Variants in DPP6 observed in about 807,000 individuals in gnomAD.
DPP6 encodes the protein A-type potassium channel modulatory protein DPP6.
DPP6 carries 69 observed loss-of-function variants against 122.6 expected under a neutral mutation model. The observed-to-expected ratio is 0.56, with a 90% confidence interval of 0.46 to 0.69. The LOEUF (loss-of-function observed/expected upper bound fraction) is 0.69, where lower values mean the gene tolerates loss of function less well. DPP6 is among the 30% of genes least tolerant of loss of function. DPP6 has a pLI of 0.00. For synonymous variants in DPP6, 418 were observed against 433.1 expected (o/e 0.97, Z 0.43); for missense variants, 928 against 1,116.9 (o/e 0.83, Z 2.41).
intron 1 of DPP6, among the ~76,000 whole-genome samples, chr7:154,400,328 A>G (rs1815462530): frequency 6.6e-6 from 1 of 152,108 alleles, no homozygotes; most frequent in Admixed American, 6.5e-5. Flanking sequence ...CTGAGGGAGG[A>G]CATGGCTCCA....
At chr7:154,852,513 C>CTCCTCCCTCTCCTCCCTCTCCTGCCTT (rs1802491867) in intron 16 of DPP6, among the ~76,000 whole-genome samples, 2 of 151,704 alleles carry the variant, frequency 1.3e-5, no homozygotes, top group Admixed American at 1.3e-4. Flanking sequence ...TCTCCTCCCT[C>CTCCTCCCTCTCCTCCCTCTCCTGCCTT]TCCTCCCTCT....
chr7:154,816,122 C>T (rs1799409408), intron 16 of DPP6, among the ~76,000 whole-genome samples: 1 of 152,094 alleles, frequency 6.6e-6, no homozygotes, highest in African/African-American at 2.4e-5. Context: ...CCTTGGGCAT[C>T]TTGGTTAACC....
chr7:154,836,853 C>T (rs1243779909), intron 16 of DPP6, among the ~76,000 whole-genome samples: 1 of 152,114 alleles, frequency 6.6e-6, no homozygotes, highest in Non-Finnish European at 1.5e-5. Context: ...ATTACAGGTG[C>T]CTGCCACCAC....
chr7:154,819,080 G>T (rs979573753), intron 16 of DPP6, among the ~76,000 whole-genome samples: 2 of 152,150 alleles, frequency 1.3e-5, no homozygotes, highest in Admixed American at 6.5e-5. Context: ...TTCTACATCA[G>T]AGGCCATGTC....
intron 7 of DPP6, among the ~76,000 whole-genome samples, chr7:154,711,957 C>CA (rs372325778): frequency 4.0e-5 from 6 of 149,606 alleles, no homozygotes; most frequent in East Asian, 2.0e-4. Flanking sequence ...CACACACACA[C>CA]ACACACACTC....
intron 16 of DPP6, among the ~76,000 whole-genome samples, chr7:154,839,135 C>A (rs1801314950): frequency 6.6e-6 from 1 of 152,144 alleles, no homozygotes; most frequent in African/African-American, 2.4e-5. Flanking sequence ...ACTAGACACA[C>A]CTACTGAAGG....
chr7:154,675,629 T>C lies in DPP6; in HGVS notation c.762+6188T>C, dbSNP rs191546486. On this transcript the variant is annotated intron_variant, in intron 7 of 25. Coordinates refer to ENST00000377770, the MANE Select transcript of DPP6 (RefSeq NM_130797.4). Reference sequence around the variant, plus strand: ...CAATCAACTCTTCTTGAATACTTCCTGTGTTCTGGATACTGCCTGATCCCG... The same window carrying C: ...CAATCAACTCTTCTTGAATACTTCCCGTGTTCTGGATACTGCCTGATCCCG... Among the ~76,000 whole-genome samples the C allele has an allele frequency of 2.0e-3, 298 of 152,334 alleles. 2 individuals carry two copies. Among genetic ancestry groups the C allele is most frequent in the Non-Finnish European group, 3.7e-3 (249 of 68,020 alleles).
At chr7:154,248,869 A>G (rs1349049251) in intron 1 of DPP6, among the ~76,000 whole-genome samples, 2 of 146,874 alleles carry the variant, frequency 1.4e-5, no homozygotes, top group South Asian at 2.1e-4. Flanking sequence ...CCGTCTCAGG[A>G]AAAAAAAAAA....
At chr7:154,319,206 AAC>A (rs1807706165) in intron 1 of DPP6, among the ~76,000 whole-genome samples, 2 of 151,482 alleles carry the variant, frequency 1.3e-5, no homozygotes, top group Admixed American at 1.3e-4. Context: ...TTCATGTACA[AAC>A]ACAAAGACCA....
Position 154,101,761 on chromosome 7 carries a change from C to G in DPP6, c.243+48698C>G, listed in dbSNP as rs143848987. Among the ~76,000 whole-genome samples, 233 of 151,502 alleles carry G rather than the reference C, an allele frequency of 1.5e-3. 4 individuals carry two copies. The highest frequency in any genetic ancestry group is 5.6e-3 in the African/African-American group (229 of 41,258). On this transcript the variant is annotated intron_variant, in intron 1 of 25. Coordinates refer to ENST00000377770, the MANE Select transcript of DPP6 (RefSeq NM_130797.4). ...TGGTCAACATGGTGAAACCCCATCT[C>G]TACCAAAAATACAAAAATTAGCTGG...
At chr7:154,237,373 T>A (rs1301663639) in intron 1 of DPP6, among the ~76,000 whole-genome samples, 1 of 152,218 alleles carries the variant, frequency 6.6e-6, no homozygotes, top group East Asian at 1.9e-4. Flanking sequence ...CAAAAGTCTT[T>A]ATAACTAAAT....
At chr7:154,503,958 T>C (rs1825462338) in intron 3 of DPP6, among the ~76,000 whole-genome samples, 2 of 152,116 alleles carry the variant, frequency 1.3e-5, no homozygotes, top group African/African-American at 4.8e-5. Flanking sequence ...AACTTAAAAG[T>C]TGATGAAAAA....
chr7:154,181,273 G>A (rs112133094), intron 1 of DPP6, among the ~76,000 whole-genome samples: 653 of 152,234 alleles, frequency 4.3e-3, no homozygotes, highest in Non-Finnish European at 7.3e-3. Context: ...TTTTCCACTC[G>A]TAGAAACTGT....
chr7:154,630,587 A>G (rs992435903), intron 5 of DPP6, among the ~76,000 whole-genome samples: 1 of 152,230 alleles, frequency 6.6e-6, no homozygotes, highest in Non-Finnish European at 1.5e-5. Context: ...TGTTGGCTGC[A>G]TAAATGTCTA....
chr7:154,617,393 A>G (rs1834332743), intron 5 of DPP6, among the ~76,000 whole-genome samples: 1 of 152,216 alleles, frequency 6.6e-6, no homozygotes, highest in Non-Finnish European at 1.5e-5. Flanking sequence ...CTACTGCCAT[A>G]TCCATCTTAG....
intron 1 of DPP6, among the ~76,000 whole-genome samples, chr7:153,920,555 ATC>A (rs1385502426): frequency 2.3e-4 from 8 of 34,516 alleles, no homozygotes; most frequent in Admixed American, 1.6e-3. Flanking sequence ...TTTTTCTTTT[ATC>A]TCTCTCTTTT....
intron 10 of DPP6, among the ~76,000 whole-genome samples, chr7:154,787,276 A>T (rs1378383165): frequency 6.6e-6 from 1 of 152,158 alleles, no homozygotes; most frequent in African/African-American, 2.4e-5. Flanking sequence ...ATCCTTTGAG[A>T]TTTCTTTTCT....
At chr7:154,556,422 A>G (rs73163094) in intron 4 of DPP6, among the ~76,000 whole-genome samples, 23,303 of 152,180 alleles carry the variant, frequency 0.15, 2,052 homozygotes, top group Non-Finnish European at 0.2. Context: ...CAATATAAAC[A>G]AGTATTTGAC....
chr7:154,788,308 G>A (rs1289708157), intron 10 of DPP6, among the ~76,000 whole-genome samples: 1 of 152,062 alleles, frequency 6.6e-6, no homozygotes, highest in African/African-American at 2.4e-5. Context: ...GCCGGGCGTG[G>A]TGGCGCACAC....
Sources: gnomAD v4.1 joint callset for allele counts (sites outside exome capture counted in the v4.1 genomes callset) on GRCh38, gnomAD v4.1.1 for gene constraint, MANE v1.5 for transcripts, NCBI Gene and HGNC (gene_info 2026-07-23, HGNC 2026-07-21) for gene names.